The following PASK variants were observed in gnomAD, a reference collection of about 807,000 sequenced individuals.
PASK encodes the protein PAS domain containing serine/threonine kinase.
PASK carries 110 observed loss-of-function variants against 121.0 expected under a neutral mutation model. That is an observed-to-expected ratio of 0.91 (90% CI 0.78 to 1.06). The LOEUF (loss-of-function observed/expected upper bound fraction) is 1.06. Among genes scored for constraint, PASK ranks in the 50% least tolerant of loss-of-function variants. The pLI, the probability that PASK is intolerant of heterozygous loss-of-function variation, is 0.00. For synonymous variants in PASK, 686 were observed against 717.8 expected (o/e 0.96, Z 0.71); for missense variants, 1,643 against 1,702.3 (o/e 0.97, Z 0.61).
chr2:241,126,922 G>A lies in PASK; in HGVS notation c.1993C>T (p.Gln665Ter), dbSNP rs368254000. 2.5e-6 allele frequency: 4 copies of A among 1,614,120 alleles called. No individual in the cohort carries two copies. Among genetic ancestry groups the A allele is most frequent in the African/African-American group, 1.3e-5 (1 of 75,052 alleles). The change falls in exon 10 of 18, where the codon CAG becomes TAG. Residue 665 changes from glutamine to a stop codon, truncating the protein, a stop_gained. Coordinates refer to ENST00000234040, the MANE Select transcript of PASK (RefSeq NM_015148.4). LOFTEE classifies it high-confidence loss of function. ...EELQTCLIKE[Q>*]LSQLSLAGAL... The stretch of plus-strand genomic sequence containing the variant: ...CCTGCAAGGCTCAACTGGGACAGCT[G>A]CTCCTTAATCAAGCAGGTCTGCAGC...
intron 2 of PASK, chr2:241,141,003 C>T (rs2120853): frequency 0.3 from 162,351 of 536,390 alleles, 27,917 homozygotes; most frequent in Middle Eastern, 0.4. Flanking sequence ...CTAAATTACA[C>T]TCAAAGCCAG....
At chr2:241,149,661 C>A (rs768594227), upstream of PASK, 5 of 1,544,100 alleles carry the variant, frequency 3.2e-6, no homozygotes, top group Middle Eastern at 1.7e-4. Flanking sequence ...GCGCCTCCGC[C>A]CCCGGGCCGG....
chr2:241,122,113 T>C (rs1466874633), intron 12 of PASK, among the ~76,000 whole-genome samples: 12 of 152,006 alleles, frequency 7.9e-5, no homozygotes, highest in Non-Finnish European at 1.6e-4. Flanking sequence ...CAGATAAAGC[T>C]GGGGTTGGAG....
chr2:241,126,266 A>G lies in PASK; in HGVS notation c.2649T>C (p.Ala883=). Residue 883 remains alanine, a synonymous_variant, in exon 10 of 18, where the codon GCT becomes GCC. Transcript: ENST00000234040. Reference sequence around the variant, plus strand: ...CCTCCTGGATCTCCCGCTGCAGGCCAGCAGCCCCGCGCATCACGATCACGG... The same window carrying G: ...CCTCCTGGATCTCCCGCTGCAGGCCGGCAGCCCCGCGCATCACGATCACGG... ...STPVIVMRGA[A]GLQREIQEGA... is the part of the protein sequence containing the mutation. 6.2e-7 allele frequency: 1 copy of G among 1,614,168 alleles called. No individual in the cohort carries two copies. The highest frequency in any genetic ancestry group is 1.3e-5 in the African/African-American group (1 of 75,048).
Position 241,115,336 on chromosome 2 carries a change from A to G in PASK, c.3150T>C (p.Thr1050=), listed in dbSNP as rs918784218. The G allele has an allele frequency of 1.6e-5, 26 of 1,613,992 alleles. No homozygotes were observed. Among genetic ancestry groups the G allele is most frequent in the Non-Finnish European group, 2.0e-5 (24 of 1,179,894 alleles). The change falls in exon 13 of 18, where the codon ACT becomes ACC. Residue 1050 remains threonine (T), a synonymous_variant. Coordinates refer to ENST00000234040, the MANE Select transcript of PASK (RefSeq NM_015148.4). ...CCCTGGATAGAATTGCGATCTCTAA[A>G]GTAACTTTCCCAAGTTTGGGATCCT... The part of the protein sequence containing the change: ...WIEDPKLGKV[T]LEIAILSRVE...
chr2:241,140,990 T>C, intron 2 of PASK: 1 of 564,430 alleles, frequency 1.8e-6, no homozygotes, highest in Non-Finnish European at 3.2e-6. Context: ...AACACTTCTG[T>C]GTCTAAATTA....
rs1435098591 is a variant in PASK at position 241,127,278 on chromosome 2, C to A, written c.1637G>T (p.Cys546Phe). ...EPVDVKPFAS[C>F]EDSEAPVPAE... ...TGGGACTGGAGCTTCAGAATCTTCG[C>A]AGGAAGCAAATGGCTTCACATCCAC... The change falls in exon 10 of 18, where the codon TGC (cysteine) becomes TTC (phenylalanine). Residue 546 changes from cysteine to phenylalanine, a missense_variant. Physicochemically the swap from Cys to Phe is radical, Grantham distance 205. This residue lies in a region of PASK where 1,176 missense variants were observed against 1,162.2 expected (regional missense o/e 1.01). Transcript: ENST00000234040. 1 of 1,614,238 alleles carries A rather than the reference C, an allele frequency of 6.2e-7. No homozygotes were observed. The highest frequency in any genetic ancestry group is 8.5e-7 in the Non-Finnish European group (1 of 1,180,036).
intron 5 of PASK, 84 bp from the exon 6 acceptor site, chr2:241,138,171 A>C (rs1480255605): frequency 7.0e-7 from 1 of 1,433,008 alleles, no homozygotes; most frequent in Non-Finnish European, 9.7e-7. Flanking sequence ...GTTCAAGCCA[A>C]AAGCAAGACC....
intron 11 of PASK, 150 bp downstream of exon 11, chr2:241,123,799 C>T: frequency 1.5e-6 from 1 of 678,732 alleles, no homozygotes; most frequent in East Asian, 2.7e-5. Context: ...GCCTGGGGAA[C>T]AAGAGCAAGA....
In PASK at chr2:241,126,551, C is replaced by T. The variant is rs137915728; in HGVS notation, c.2364G>A (p.Gly788=). Residue 788 remains glycine, a synonymous_variant, in exon 10 of 18, where the codon GGG becomes GGA. Transcript: ENST00000234040. ...GCTCCCTGTCATCCAGGACACACGA[C>T]CCCTGTTCCTGGAGACTGCCTACAT... ...DPDVGSLQEQ[G]SCVLDDRELL... 1.2e-5 allele frequency: 20 copies of T among 1,614,228 alleles called. No homozygotes were observed. The highest frequency in any genetic ancestry group is 1.7e-5 in the Non-Finnish European group (20 of 1,180,008).
In PASK at chr2:241,138,013, CT is replaced by C; in HGVS notation, c.815del (p.Gln272ArgfsTer6). ...CAGAAGGGATCAGGTCTGTGATATG[CT>C]GCCCAGCCACGTCCTCCCCAGACAC... ...GYVSGEDVAGQHITDLIPSVQ... is the reference protein window; with the variant it reads ...GYVSGEDVAGXHITDLIPSVQ... On this transcript the variant is annotated frameshift_variant, in exon 6 of 18. Transcript: ENST00000234040. LOFTEE classifies it high-confidence loss of function. 1 of 1,614,180 alleles carries C rather than the reference CT, an allele frequency of 6.2e-7. No homozygotes were observed.
chr2:241,126,639 C>T lies in PASK; in HGVS notation c.2276G>A (p.Cys759Tyr). ...SDQTDQTSSN[C>Y]SCATSELRET... ...TCTGAGTTCAGACGTAGCACAGGAACAATTTGATGACGTTTGGTCTGTCTG... is the reference window on the plus strand; with the variant it reads ...TCTGAGTTCAGACGTAGCACAGGAATAATTTGATGACGTTTGGTCTGTCTG... The change falls in exon 10 of 18, where the codon TGT becomes TAT. Residue 759 changes from cysteine to tyrosine, a missense_variant. Cys to Tyr is a radical substitution (Grantham distance 194). Around this residue, in one of 3 missense-constraint regions of PASK, gnomAD observed 1,176 missense variants for 1,162.2 expected, o/e 1.01. Transcript: ENST00000234040. The T allele has an allele frequency of 6.2e-7, 1 of 1,614,210 alleles. No individual in the cohort carries two copies. Among genetic ancestry groups the T allele is most frequent in the Non-Finnish European group, 8.5e-7 (1 of 1,180,032 alleles).
upstream of PASK, chr2:241,149,987 G>T: frequency 1.4e-6 from 2 of 1,416,814 alleles, no homozygotes; most frequent in South Asian, 1.5e-5. Flanking sequence ...GACGCCGGGA[G>T]AATGTTGTTG....
intron 5 of PASK, 69 bp downstream of exon 5, chr2:241,138,585 C>T: frequency 1.3e-6 from 2 of 1,548,514 alleles, no homozygotes; most frequent in Non-Finnish European, 1.8e-6. Context: ...CAGGGACCAG[C>T]ACTTGCTGAA....
Position 241,112,180 on chromosome 2 carries a change from C to G in PASK, c.3533+60G>C. On this transcript the variant is annotated intron_variant, in intron 15 of 17. Coordinates refer to ENST00000234040, the MANE Select transcript of PASK (RefSeq NM_015148.4). This position sits in a 1 kb window ranked among gnomAD's most constrained non-coding sequence, Gnocchi z 5.2. The stretch of plus-strand genomic sequence containing the variant: ...AGCCATTTTCCCACCCAAAATCAAG[C>G]CACCCTCAGGGTCCTGACAGAGGAC... 7.5e-7 allele frequency: 1 copy of G among 1,335,502 alleles called. No individual in the cohort carries two copies. Among genetic ancestry groups the G allele is most frequent in the Non-Finnish European group, 1.1e-6 (1 of 926,856 alleles). The allele number at this position is 1,335,502 out of a possible 1,614,324, so 82.7% of individuals were successfully genotyped here.
intron 1 of PASK, among the ~76,000 whole-genome samples, chr2:241,147,651 C>A (rs1306071743): frequency 6.6e-6 from 1 of 151,920 alleles, no homozygotes; most frequent in African/African-American, 2.4e-5. Context: ...AGTAATATAA[C>A]TATTCAGAAT....
Position 241,108,126 on chromosome 2 carries a change from A to G in PASK, c.3667+41T>C. 1 of 1,610,876 alleles carries G rather than the reference A, an allele frequency of 6.2e-7. No homozygotes were observed. The highest frequency in any genetic ancestry group is 8.5e-7 in the Non-Finnish European group (1 of 1,177,086). Reference sequence around the variant, plus strand: ...GGGAAAAAAAAGTGGCTGGTCTCTAAGGACAGTGTCGACTGTCTACCACTT... The same window carrying G: ...GGGAAAAAAAAGTGGCTGGTCTCTAGGGACAGTGTCGACTGTCTACCACTT... On this transcript the variant is annotated intron_variant, in intron 16 of 17. Transcript: ENST00000234040. This position sits in a 1 kb window ranked among gnomAD's most constrained non-coding sequence, Gnocchi z 5.2.
intron 1 of PASK, among the ~76,000 whole-genome samples, chr2:241,147,874 G>A (rs1207868369): frequency 2.0e-5 from 3 of 152,138 alleles, no homozygotes; most frequent in Admixed American, 1.3e-4. Context: ...CTGCGGGAGC[G>A]GGGAGGACAG....
In PASK at chr2:241,149,405, G is replaced by T. The variant is rs1022105725; in HGVS notation, c.-43+9C>A. The T allele has an allele frequency of 6.4e-6, 3 of 465,960 alleles. No homozygotes were observed. The highest frequency in any genetic ancestry group is 1.1e-5 in the Non-Finnish European group (3 of 260,872). 28.9% of individuals were successfully genotyped at this position (465,960 alleles called of 1,614,324 possible). A position where few individuals can be genotyped will look rare whatever the true frequency, so the allele number is the denominator to read the frequency against. The stretch of plus-strand genomic sequence containing the variant: ...GCCCGGCCCGCTCTCCCGAGCGCAG[G>T]TATCTCACCTGGATCAGGCGAGGGT... On this transcript the variant is annotated intron_variant, in intron 1 of 17. Coordinates refer to ENST00000234040, the MANE Select transcript of PASK (RefSeq NM_015148.4).
Sources: gnomAD v4.1 joint callset for allele counts (sites outside exome capture counted in the v4.1 genomes callset) on GRCh38, gnomAD v4.1.1 for gene constraint, gnomAD v4.1.1 regional missense constraint, Gnocchi (gnomAD v3.1) non-coding constraint, MANE v1.5 for transcripts, NCBI Gene and HGNC (gene_info 2026-07-23, HGNC 2026-07-21) for gene names.